The following LRP5 variants were observed in gnomAD, a reference collection of about 807,000 sequenced individuals.
The protein encoded by LRP5 is low-density lipoprotein receptor-related protein 5.
A neutral mutation model predicts 154.1 loss-of-function variants in LRP5; 62 were observed. The ratio of observed to expected loss-of-function variants is 0.40; its 90% CI spans 0.33 to 0.50. The LOEUF (loss-of-function observed/expected upper bound fraction) is 0.50, where lower values mean the gene tolerates loss of function less well. LRP5 is among the 20% of genes least tolerant of loss of function. LRP5 has a pLI of 0.55. For missense variants in LRP5, 1,915 were observed against 2,336.7 expected, an observed-to-expected ratio of 0.82 and a Z score of 3.72; for synonymous variants, 966 against 1,011.5, an observed-to-expected ratio of 0.96 and a Z score of 0.85.
intron 1 of LRP5, among the ~76,000 whole-genome samples, chr11:68,314,729 C>A (rs1268724213): frequency 6.6e-6 from 1 of 152,242 alleles, no homozygotes; most frequent in South Asian, 2.1e-4. Flanking sequence ...CCTGGAGGTT[C>A]CTCCTGTAGA....
intron 1 of LRP5, among the ~76,000 whole-genome samples, chr11:68,324,219 C>T (rs960948418): frequency 1.3e-5 from 2 of 152,270 alleles, no homozygotes; most frequent in Non-Finnish European, 2.9e-5. Flanking sequence ...AGGTGACTAC[C>T]TGGCTGCGGG....
intron 1 of LRP5, among the ~76,000 whole-genome samples, chr11:68,346,713 A>C (rs1462002651): frequency 6.6e-6 from 1 of 152,182 alleles, no homozygotes; most frequent in Non-Finnish European, 1.5e-5. Context: ...CCAAGGCTTC[A>C]GATGTTTTTT....
chr11:68,338,937 A>G (rs2098607290), intron 1 of LRP5, among the ~76,000 whole-genome samples: 1 of 125,572 alleles, frequency 8.0e-6, no homozygotes, highest in African/African-American at 3.1e-5. Context: ...ATAATGGTGC[A>G]ATGTCGGCTC....
At chr11:68,338,738 A>G (rs1462009774) in intron 1 of LRP5, among the ~76,000 whole-genome samples, 1 of 152,174 alleles carries the variant, frequency 6.6e-6, no homozygotes, top group Non-Finnish European at 1.5e-5. Context: ...AATCCAGGCA[A>G]AAGAAGACGT....
intron 5 of LRP5, among the ~76,000 whole-genome samples, chr11:68,368,787 A>G (rs1219739437): frequency 6.6e-6 from 1 of 151,884 alleles, no homozygotes; most frequent in Non-Finnish European, 1.5e-5. Context: ...GCACTGCAGA[A>G]GCATTTGCGA....
chr11:68,363,975 T>C (rs1037834797), intron 4 of LRP5, 32 bp downstream of exon 4: 2 of 262,434 alleles, frequency 7.6e-6, no homozygotes, highest in Non-Finnish European at 6.6e-6. Context: ...GGGGCGAGGG[T>C]GCGGGGGCTG....
At chr11:68,340,684 T>G (rs1380687434) in intron 1 of LRP5, among the ~76,000 whole-genome samples, 1 of 152,210 alleles carries the variant, frequency 6.6e-6, no homozygotes, top group Non-Finnish European at 1.5e-5. Flanking sequence ...AGAGCTGACC[T>G]GGCCCTTTTG....
intron 5 of LRP5, among the ~76,000 whole-genome samples, chr11:68,377,128 T>C (rs1232106918): frequency 6.6e-6 from 1 of 152,022 alleles, no homozygotes; most frequent in African/African-American, 2.4e-5. Context: ...GGAGTGGCCA[T>C]GCAGCCATGG....
chr11:68,376,552 C>T (rs1324942947), intron 5 of LRP5, among the ~76,000 whole-genome samples: 4 of 152,162 alleles, frequency 2.6e-5, no homozygotes, highest in Admixed American at 6.5e-5. Context: ...GGAGGAAGGG[C>T]GCAGATGGGA....
At chr11:68,432,659 C>T (rs1284277498) in intron 17 of LRP5, among the ~76,000 whole-genome samples, 2 of 152,230 alleles carry the variant, frequency 1.3e-5, no homozygotes, top group Non-Finnish European at 2.9e-5. Context: ...AGGCCTGGGC[C>T]GATTTCCCAG....
At chr11:68,333,852 G>A (rs1284533960) in intron 1 of LRP5, among the ~76,000 whole-genome samples, 2 of 152,208 alleles carry the variant, frequency 1.3e-5, no homozygotes, top group African/African-American at 2.4e-5. Context: ...GTTGCCCCCA[G>A]ATTGATCAGT....
intron 5 of LRP5, among the ~76,000 whole-genome samples, chr11:68,366,768 C>G (rs1469043840): frequency 6.6e-6 from 1 of 152,108 alleles, no homozygotes; most frequent in Non-Finnish European, 1.5e-5. Context: ...TTTCCCAAGT[C>G]GGGAGAAGGA....
At chr11:68,300,424 A>C in the LRP5 span, among the ~76,000 whole-genome samples, 39 of 149,252 alleles carry the variant, frequency 2.6e-4, 2 homozygotes, top group African/African-American at 8.2e-4. Flanking sequence ...GTTTGGAGGA[A>C]TCAGGGGCAT....
intron 5 of LRP5, among the ~76,000 whole-genome samples, chr11:68,377,189 C>T (rs1178070692): frequency 2.6e-5 from 4 of 152,164 alleles, no homozygotes; most frequent in Non-Finnish European, 4.4e-5. Flanking sequence ...TGGGGGGCCA[C>T]AGGAGGGGCT....
chr11:68,340,530 G>A (rs2098608344), intron 1 of LRP5, among the ~76,000 whole-genome samples: 1 of 152,198 alleles, frequency 6.6e-6, no homozygotes, highest in Non-Finnish European at 1.5e-5. Flanking sequence ...CGCACTCTGT[G>A]ATGTGGAGGT....
In LRP5 at chr11:68,386,450, G is replaced by C. The variant is rs771754782; in HGVS notation, c.1150G>C (p.Glu384Gln). 1 of 1,614,136 alleles carries C rather than the reference G, an allele frequency of 6.2e-7. No homozygotes were observed. The highest frequency in any genetic ancestry group is 1.1e-5 in the South Asian group (1 of 91,076). Residue 384 changes from glutamate (E) to glutamine (Q), a missense_variant, in exon 6 of 23, where the codon GAG (glutamate) becomes CAG (glutamine). Physicochemically the swap from Glu to Gln is conservative, Grantham distance 29. Transcript: ENST00000294304. This position sits in a 1 kb window ranked among gnomAD's most constrained non-coding sequence, Gnocchi z 7.9. ...CATTGCCATCGACTACGACCCGCTA[G>C]AGGGCTATGTCTACTGGACAGATGA... is the stretch of plus-strand genomic sequence containing the variant. ...HAIAIDYDPL[E>Q]GYVYWTDDEV...
chr11:68,299,653 G>A, the LRP5 span, among the ~76,000 whole-genome samples: 1 of 147,894 alleles, frequency 6.8e-6, no homozygotes, highest in Non-Finnish European at 1.5e-5. Context: ...CGCAATCTCA[G>A]CTCACTGTAG....
At chr11:68,346,117 G>A (rs907017104) in intron 1 of LRP5, among the ~76,000 whole-genome samples, 2 of 152,090 alleles carry the variant, frequency 1.3e-5, no homozygotes, top group Non-Finnish European at 2.9e-5. Flanking sequence ...TCATTCTGTG[G>A]GTTGCCTTTT....
chr11:68,374,833 C>T (rs1234750791), intron 5 of LRP5, among the ~76,000 whole-genome samples: 1 of 152,158 alleles, frequency 6.6e-6, no homozygotes, highest in African/African-American at 2.4e-5. Flanking sequence ...AGGAGAGGGG[C>T]GCATCATATT....
Sources: gnomAD v4.1 joint callset for allele counts (sites outside exome capture counted in the v4.1 genomes callset) on GRCh38, gnomAD v4.1.1 for gene constraint, Gnocchi (gnomAD v3.1) non-coding constraint, MANE v1.5 for transcripts, NCBI Gene and HGNC (gene_info 2026-07-23, HGNC 2026-07-21) for gene names.